Variants in SPTBN1 observed in about 807,000 individuals in gnomAD.
The protein encoded by SPTBN1 is spectrin beta, non-erythrocytic 1, also known as spectrin beta chain, non-erythrocytic 1.
Under a neutral mutation model 266.4 loss-of-function variants are expected in SPTBN1, and 32 were observed. That is an observed-to-expected ratio of 0.12 (90% CI 0.09 to 0.16). The LOEUF (loss-of-function observed/expected upper bound fraction) is 0.16, where lower values mean the gene tolerates loss of function less well. Among genes scored for constraint, SPTBN1 ranks in the 10% least tolerant of loss-of-function variants. The probability of loss-of-function intolerance (pLI) is 1.00; values close to 1 mark genes in which losing one functional copy is unlikely to be tolerated. For synonymous variants in SPTBN1, 1,336 were observed against 1,162.2 expected, an observed-to-expected ratio of 1.15 and a Z score of -3.04; for missense variants, 2,296 against 3,067.1, an observed-to-expected ratio of 0.75 and a Z score of 5.94.
At chr2:54,615,096 G>C (rs978854952) in intron 4 of SPTBN1, among the ~76,000 whole-genome samples, 2 of 151,762 alleles carry the variant, frequency 1.3e-5, no homozygotes, top group Non-Finnish European at 2.9e-5. Flanking sequence ...GGTTTATACA[G>C]ACTCAGGCTT....
At chr2:54,466,779 A>G (rs1166146213) in intron 1 of SPTBN1, among the ~76,000 whole-genome samples, 1 of 152,182 alleles carries the variant, frequency 6.6e-6, no homozygotes, top group Non-Finnish European at 1.5e-5. Context: ...ACCAAACCTC[A>G]TTTTAGCTGG....
chr2:54,634,078 T>G (rs948869683), intron 17 of SPTBN1, among the ~76,000 whole-genome samples: 2 of 152,380 alleles, frequency 1.3e-5, no homozygotes, highest in East Asian at 3.9e-4. Context: ...AATTTCCTTT[T>G]TTTGTAATAT....
Position 54,526,810 on chromosome 2 carries a change from C to T in SPTBN1, c.148+244C>T, listed in dbSNP as rs574282745. On this transcript the variant is annotated intron_variant, in intron 2 of 35. Transcript: ENST00000356805. ...GTTATTTATAGCAATTCAAGAACAG[C>T]TGCCCTAAGTTTGTAAGAATTCTTT... 6.1e-5 allele frequency: 22 copies of T among 361,750 alleles called. No individual in the cohort carries two copies. In the South Asian group the frequency reaches 1.8e-3, roughly 30 times the overall value. 22.4% of individuals were successfully genotyped at this position (361,750 alleles called of 1,614,324 possible).
intron 11 of SPTBN1, among the ~76,000 whole-genome samples, chr2:54,625,409 G>T (rs1678256257): frequency 6.6e-6 from 1 of 152,056 alleles, no homozygotes; most frequent in South Asian, 2.1e-4. Flanking sequence ...TGCAAAATGA[G>T]CAGTTACTAG....
intron 4 of SPTBN1, among the ~76,000 whole-genome samples, chr2:54,613,414 T>TG (rs1677364866): frequency 6.6e-6 from 1 of 152,238 alleles, no homozygotes; most frequent in Admixed American, 6.5e-5. Context: ...AATCAGCCTG[T>TG]CAACAGTCCC....
chr2:54,634,039 G>C (rs986502241), intron 17 of SPTBN1, among the ~76,000 whole-genome samples: 1 of 152,190 alleles, frequency 6.6e-6, no homozygotes, highest in African/African-American at 2.4e-5. Flanking sequence ...ACAGCAATTG[G>C]GCAAAGCATT....
chr2:54,552,699 C>T (rs776859194), intron 2 of SPTBN1, among the ~76,000 whole-genome samples: 1 of 152,056 alleles, frequency 6.6e-6, no homozygotes, highest in African/African-American at 2.4e-5. Flanking sequence ...TCGTGATCCA[C>T]CTGCCTTGGC....
At chr2:54,614,127 T>C (rs1677414664) in intron 4 of SPTBN1, among the ~76,000 whole-genome samples, 1 of 152,232 alleles carries the variant, frequency 6.6e-6, no homozygotes, top group Non-Finnish European at 1.5e-5. Context: ...CATAGGCTGC[T>C]GATGTTACCG....
chr2:54,544,618 T>C (rs553297562), intron 2 of SPTBN1, among the ~76,000 whole-genome samples: 1 of 152,258 alleles, frequency 6.6e-6, no homozygotes, highest in African/African-American at 2.4e-5. Flanking sequence ...AAGAGACCTA[T>C]TAAAAAATGT....
At chr2:54,667,138 C>T (rs1681422664) in intron 34 of SPTBN1, among the ~76,000 whole-genome samples, 1 of 152,176 alleles carries the variant, frequency 6.6e-6, no homozygotes, top group African/African-American at 2.4e-5. Flanking sequence ...AATTCTGAGA[C>T]ATACAGTAGA....
At chr2:54,621,964 A>T (rs1360888364) in intron 8 of SPTBN1, among the ~76,000 whole-genome samples, 1 of 152,212 alleles carries the variant, frequency 6.6e-6, no homozygotes, top group East Asian at 1.9e-4. Context: ...ATGGGACAGG[A>T]TCAAGCTAAA....
At chr2:54,616,492 G>T (rs944220402) in intron 5 of SPTBN1, among the ~76,000 whole-genome samples, 194 bp downstream of exon 5, 1 of 152,180 alleles carries the variant, frequency 6.6e-6, no homozygotes, top group African/African-American at 2.4e-5. Context: ...TTTTAGACCT[G>T]TCATGTCTTC....
chr2:54,651,032 G>T (rs2941593), intron 26 of SPTBN1, among the ~76,000 whole-genome samples: 13,861 of 152,232 alleles, frequency 0.091, 657 homozygotes, highest in Middle Eastern at 0.15. Flanking sequence ...TTCCCTAATA[G>T]TTTAAGGATT....
At chr2:54,588,377 T>C (rs1266503250) in intron 2 of SPTBN1, among the ~76,000 whole-genome samples, 1 of 151,756 alleles carries the variant, frequency 6.6e-6, no homozygotes, top group African/African-American at 2.4e-5. Flanking sequence ...TTTGGGGAGG[T>C]GATGTCTTGT....
At chr2:54,566,826 A>G (rs1673696263) in intron 2 of SPTBN1, among the ~76,000 whole-genome samples, 2 of 151,968 alleles carry the variant, frequency 1.3e-5, no homozygotes, top group African/African-American at 4.8e-5. Flanking sequence ...GTGAGACTCC[A>G]TCTCAAAAAA....
At chr2:54,525,284 GC>G (rs1237709074) in intron 1 of SPTBN1, among the ~76,000 whole-genome samples, 1 of 151,810 alleles carries the variant, frequency 6.6e-6, no homozygotes, top group African/African-American at 2.4e-5. Flanking sequence ...TGCTCCTGTT[GC>G]CCAGGTTAGA....
intron 2 of SPTBN1, among the ~76,000 whole-genome samples, chr2:54,594,851 T>TTTTTTTTTTA (rs10673399): frequency 3.5e-5 from 5 of 144,870 alleles, no homozygotes; most frequent in African/African-American, 8.4e-5. Flanking sequence ...TTTTTTTTTT[T>TTTTTTTTTTA]GAGACAGAGT....
rs530697146 is a variant in SPTBN1 at position 54,469,946 on chromosome 2, G to A, written c.-48+13428G>A. ...ATCTGCCTGCCATTTCGGAAGGAAA[G>A]AAACCAGCACACATCCTGTCTTTCA... is the stretch of plus-strand genomic sequence containing the variant. On this transcript the variant is annotated intron_variant, in intron 1 of 35. Transcript: ENST00000356805. Among the ~76,000 whole-genome samples the A allele has an allele frequency of 7.2e-4, 109 of 152,308 alleles. 4 individuals are homozygous for A. In the South Asian group the frequency reaches 0.022, roughly 30 times the overall value.
rs145580515 is a variant in SPTBN1, at chr2:54,479,247, T to G, written c.-48+22729T>G. Among the ~76,000 whole-genome samples the G allele has an allele frequency of 1.3e-3, 204 of 152,328 alleles. 5 individuals carry two copies. In the South Asian group the frequency reaches 0.039, roughly 29 times the overall value. ...GATTTAAAGGCAAATAAAGTATAGT[T>G]ATAGAAAACATGACCCTTACCAACC... is the stretch of plus-strand genomic sequence containing the variant. On this transcript the variant is annotated intron_variant, in intron 1 of 35. Coordinates refer to ENST00000356805, the MANE Select transcript of SPTBN1 (RefSeq NM_003128.3).
Sources: allele counts gnomAD v4.1 joint callset (sites outside exome capture counted in the v4.1 genomes callset), GRCh38; gene constraint gnomAD v4.1.1; transcripts MANE v1.5; gene names NCBI Gene and HGNC (gene_info 2026-07-23, HGNC 2026-07-21).